Variants in RGS6 observed in about 807,000 individuals in gnomAD.
The protein encoded by RGS6 is regulator of G-protein signaling 6.
In RGS6, 30 loss-of-function variants were observed where a neutral mutation model predicts 78.5. That is an observed-to-expected ratio of 0.38 (90% CI 0.29 to 0.52). The LOEUF is 0.52. RGS6 is among the 20% of genes least tolerant of loss of function. RGS6 has a pLI of 0.85. For synonymous variants in RGS6, 206 were observed against 206.0 expected (o/e 1.00, Z 0.00); for missense variants, 495 against 609.7 (o/e 0.81, Z 1.98).
chr14:72,132,071 A>C (rs1056441666), intron 2 of RGS6, among the ~76,000 whole-genome samples: 33 of 152,288 alleles, frequency 2.2e-4, no homozygotes, highest in African/African-American at 7.9e-4. Flanking sequence ...GCTTTATTAC[A>C]GTGCTTCAGA....
intron 3 of RGS6, among the ~76,000 whole-genome samples, chr14:72,447,392 C>T (rs1048952146): frequency 2.0e-5 from 3 of 152,168 alleles, no homozygotes; most frequent in African/African-American, 7.2e-5. Context: ...CCACAATGCC[C>T]TCCTCATTTC....
chr14:72,398,914 A>G (rs2091926558), intron 3 of RGS6, among the ~76,000 whole-genome samples: 1 of 152,018 alleles, frequency 6.6e-6, no homozygotes, highest in South Asian at 2.1e-4. Context: ...GTGGTGTGAG[A>G]GACAGTTTGT....
At chr14:72,206,695 T>A (rs976724435) in intron 2 of RGS6, among the ~76,000 whole-genome samples, 1 of 152,064 alleles carries the variant, frequency 6.6e-6, no homozygotes, top group Non-Finnish European at 1.5e-5. Flanking sequence ...AACCATTAGA[T>A]CTCATGAGAC....
In RGS6 at chr14:72,012,673, C is replaced by G. The variant is rs114681043; in HGVS notation, c.84+47798C>G. On this transcript the variant is annotated intron_variant, in intron 2 of 17. Coordinates refer to ENST00000553525, the MANE Select transcript of RGS6 (RefSeq NM_001204424.2). ...CTTCCTTTCATAGGTGAGGTTTTAC[C>G]TCTACCTTTGTTGTCTGTCTCTAAG... Among the ~76,000 whole-genome samples, 1,283 of 152,206 alleles carry G rather than the reference C, an allele frequency of 8.4e-3. 20 individuals carry two copies. Among genetic ancestry groups the G allele is most frequent in the African/African-American group, 0.03 (1,226 of 41,538 alleles).
chr14:72,349,010 C>CA (rs957884877), intron 2 of RGS6, among the ~76,000 whole-genome samples: 3 of 151,566 alleles, frequency 2.0e-5, no homozygotes, highest in Non-Finnish European at 4.4e-5. Flanking sequence ...ACTAAAAATA[C>CA]AAAAAATTAG....
intron 2 of RGS6, among the ~76,000 whole-genome samples, chr14:72,233,173 A>C (rs1234569845): frequency 6.6e-6 from 1 of 152,324 alleles, no homozygotes; most frequent in East Asian, 1.9e-4. Context: ...CAGGGCCCAA[A>C]GTGCTCTGAT....
intron 2 of RGS6, among the ~76,000 whole-genome samples, chr14:72,179,550 A>C (rs1191040258): frequency 1.3e-5 from 2 of 152,188 alleles, no homozygotes; most frequent in Non-Finnish European, 2.9e-5. Flanking sequence ...TACTATATGC[A>C]ATGTATGACT....
At chr14:72,339,864 G>T (rs1309124030) in intron 2 of RGS6, among the ~76,000 whole-genome samples, 1 of 152,168 alleles carries the variant, frequency 6.6e-6, no homozygotes, top group Non-Finnish European at 1.5e-5. Flanking sequence ...GGTTTGTCCT[G>T]GGACCCCCTG....
intron 2 of RGS6, among the ~76,000 whole-genome samples, chr14:72,008,948 T>G: frequency 6.6e-6 from 1 of 152,226 alleles, no homozygotes; most frequent in East Asian, 1.9e-4. Flanking sequence ...ATAAGAGTGG[T>G]TCACTGTGCC....
At chr14:72,187,317 A>G (rs2097261153) in intron 2 of RGS6, among the ~76,000 whole-genome samples, 1 of 152,118 alleles carries the variant, frequency 6.6e-6, no homozygotes, top group Non-Finnish European at 1.5e-5. Context: ...CAAAGATGAC[A>G]TTTTTTTCAA....
the RGS6 span, among the ~76,000 whole-genome samples, chr14:72,627,806 CTT>C: frequency 6.6e-6 from 1 of 151,918 alleles, no homozygotes; most frequent in Non-Finnish European, 1.5e-5. Context: ...TCAATTTGTT[CTT>C]TGTGTTTTTG....
intron 3 of RGS6, among the ~76,000 whole-genome samples, chr14:72,373,767 G>A (rs976463330): frequency 1.4e-4 from 21 of 151,976 alleles, no homozygotes; most frequent in Non-Finnish European, 5.9e-5. Context: ...TCTTGTTGGC[G>A]TGTCTCACTA....
chr14:72,112,325 G>A (rs1389365035), intron 2 of RGS6, among the ~76,000 whole-genome samples: 2 of 152,130 alleles, frequency 1.3e-5, no homozygotes, highest in Non-Finnish European at 2.9e-5. Context: ...CTGTTTTGAT[G>A]CGTGCTCCCC....
intron 6 of RGS6, among the ~76,000 whole-genome samples, chr14:72,465,192 A>G (rs2095869938): frequency 6.6e-6 from 1 of 152,226 alleles, no homozygotes; most frequent in Non-Finnish European, 1.5e-5. Flanking sequence ...CAGTGAGCAG[A>G]TCATAAAGAA....
At chr14:72,141,674 A>G (rs879745517) in intron 2 of RGS6, among the ~76,000 whole-genome samples, 1 of 152,100 alleles carries the variant, frequency 6.6e-6, no homozygotes, top group Non-Finnish European at 1.5e-5. Flanking sequence ...CTCCCCAAAG[A>G]TGCCTTTGCC....
chr14:72,238,004 T>C (rs1034570695), intron 2 of RGS6, among the ~76,000 whole-genome samples: 3 of 152,008 alleles, frequency 2.0e-5, no homozygotes, highest in African/African-American at 7.2e-5. Flanking sequence ...TCAGGTCACA[T>C]AGGCTTGAAG....
chr14:72,370,605 C>T (rs1300493986), intron 3 of RGS6, among the ~76,000 whole-genome samples: 1 of 152,020 alleles, frequency 6.6e-6, no homozygotes, highest in Non-Finnish European at 1.5e-5. Flanking sequence ...GATGTCAAGG[C>T]AGCAACTATA....
the RGS6 span, among the ~76,000 whole-genome samples, chr14:72,621,602 C>A: frequency 6.6e-6 from 1 of 152,052 alleles, no homozygotes; most frequent in African/African-American, 2.4e-5. Flanking sequence ...GATCAGATTG[C>A]AGTTTAGAAA....
At chr14:72,136,914 T>C (rs903781587) in intron 2 of RGS6, among the ~76,000 whole-genome samples, 21 of 152,326 alleles carry the variant, frequency 1.4e-4, no homozygotes, top group Middle Eastern at 3.4e-3. Context: ...TTTGAGAACC[T>C]ACTCCCTGGA....
Sources: gnomAD v4.1 joint callset for allele counts (sites outside exome capture counted in the v4.1 genomes callset) on GRCh38, gnomAD v4.1.1 for gene constraint, MANE v1.5 for transcripts, NCBI Gene and HGNC (gene_info 2026-07-23, HGNC 2026-07-21) for gene names.